Variants in KIF2A observed in about 807,000 individuals in gnomAD.
KIF2A encodes kinesin-like protein KIF2A.
KIF2A carries 22 observed loss-of-function variants against 100.2 expected under a neutral mutation model. The ratio of observed to expected loss-of-function variants is 0.22; its 90% CI spans 0.16 to 0.31. The LOEUF (loss-of-function observed/expected upper bound fraction) is 0.31. Among genes scored for constraint, KIF2A ranks in the 10% least tolerant of loss-of-function variants. The probability of loss-of-function intolerance (pLI) is 1.00; values close to 1 mark genes in which losing one functional copy is unlikely to be tolerated. For missense variants in KIF2A, 495 were observed against 898.7 expected (o/e 0.55, Z 5.74); for synonymous variants, 268 against 285.9 (o/e 0.94, Z 0.63).
At chr5:62,341,270 T>C (rs1264871626) in intron 1 of KIF2A, among the ~76,000 whole-genome samples, 1 of 152,118 alleles carries the variant, frequency 6.6e-6, no homozygotes, top group Non-Finnish European at 1.5e-5. Context: ...GGTTCCAATA[T>C]TGAGGAGACT....
chr5:62,308,391 C>G lies in KIF2A; in HGVS notation c.64+1855C>G, dbSNP rs565754247. 9.8e-6 allele frequency: 14 copies of G among 1,422,656 alleles called. No homozygotes were observed. The African/African-American group carries it at 1.5e-4, about 16-fold the overall frequency. 88.1% of individuals were successfully genotyped at this position (1,422,656 alleles called of 1,614,324 possible). On this transcript the variant is annotated intron_variant, in intron 1 of 20. Coordinates refer to ENST00000407818, the MANE Select transcript of KIF2A (RefSeq NM_001098511.3). ...TTCTGGGTGCACAGCAACACCTGTC[C>G]CTGGTATACACCCAAGGGAGAGGAA...
At chr5:62,382,089 G>T (rs572569913) in intron 20 of KIF2A, among the ~76,000 whole-genome samples, 2 of 152,186 alleles carry the variant, frequency 1.3e-5, no homozygotes, top group Non-Finnish European at 2.9e-5. Flanking sequence ...GTGTGTACAC[G>T]CAATCCAACA....
intron 1 of KIF2A, among the ~76,000 whole-genome samples, chr5:62,313,561 G>T (rs762597942): frequency 1.3e-5 from 2 of 152,006 alleles, no homozygotes; most frequent in Non-Finnish European, 2.9e-5. Flanking sequence ...CACCATGTTG[G>T]CCAGGCTGGT....
At chr5:62,346,883 T>C (rs1039403118) in intron 1 of KIF2A, among the ~76,000 whole-genome samples, 3 of 152,222 alleles carry the variant, frequency 2.0e-5, no homozygotes, top group African/African-American at 4.8e-5. Context: ...CCATTTATCA[T>C]ATATGCTGAA....
intron 6 of KIF2A, among the ~76,000 whole-genome samples, chr5:62,354,250 GT>G (rs1747990781): frequency 6.6e-6 from 1 of 152,182 alleles, no homozygotes; most frequent in East Asian, 1.9e-4. Context: ...GCCACCTGGT[GT>G]TTCCTGTGGG....
Position 62,387,361 on chromosome 5 carries a change from C to T in KIF2A, c.*1792C>T, listed in dbSNP as rs1187712204. ...AAAGGTAGTTTTTGAGATTAACCAA[C>T]TTTCAAAGGGCAATAAAGACATGTG... On this transcript the variant is annotated 3_prime_UTR_variant, in exon 21 of 21. Transcript: ENST00000407818. 2 of 152,160 alleles carry T rather than the reference C, an allele frequency of 1.3e-5. No individual in the cohort carries two copies. Among genetic ancestry groups the T allele is most frequent in the Non-Finnish European group, 2.9e-5 (2 of 68,018 alleles). The allele number at this position is 152,160 out of a possible 1,614,324, so 9.4% of individuals were successfully genotyped here. A position where few individuals can be genotyped will look rare whatever the true frequency, so the allele number is the denominator to read the frequency against.
intron 1 of KIF2A, among the ~76,000 whole-genome samples, chr5:62,307,833 G>A (rs1432700559): frequency 6.6e-6 from 1 of 152,112 alleles, no homozygotes; most frequent in Non-Finnish European, 1.5e-5. Flanking sequence ...GACAAGGCTG[G>A]TCTCGAACTC....
At chr5:62,364,892 C>T (rs188383649) in intron 14 of KIF2A, among the ~76,000 whole-genome samples, 98 of 152,128 alleles carry the variant, frequency 6.4e-4, no homozygotes, top group Non-Finnish European at 1.0e-3. Context: ...GTCAGGAGTT[C>T]GATACCAGCC....
intron 1 of KIF2A, among the ~76,000 whole-genome samples, chr5:62,307,938 CTTAT>C (rs1311752414): frequency 6.6e-6 from 1 of 152,130 alleles, no homozygotes; most frequent in Non-Finnish European, 1.5e-5. Flanking sequence ...TTATGAGTGC[CTTAT>C]TTATTAACCT....
chr5:62,343,434 T>C (rs984222484), intron 1 of KIF2A, among the ~76,000 whole-genome samples: 6 of 152,256 alleles, frequency 3.9e-5, no homozygotes, highest in South Asian at 2.1e-4. Flanking sequence ...TTGTGTGAGA[T>C]AGGAATCAGA....
At chr5:62,342,561 A>G (rs547319921) in intron 1 of KIF2A, among the ~76,000 whole-genome samples, 2 of 152,014 alleles carry the variant, frequency 1.3e-5, no homozygotes, top group Non-Finnish European at 2.9e-5. Flanking sequence ...GGACATATCC[A>G]TTTTGGCTCA....
chr5:62,348,118 A>C lies in KIF2A; in HGVS notation c.230A>C (p.Glu77Ala). ...GATGAAGAAATTGAACCCAGTCCAG[A>C]AACACCTCCACCTCCAGCATCCTCA... Reference protein sequence around the residue: ...VPDEEIEPSPETPPPPASSAK... With the variant: ...VPDEEIEPSPATPPPPASSAK... Residue 77 changes from glutamate to alanine, a missense_variant, in exon 3 of 21, where the codon GAA (glutamate) becomes GCA (alanine). By Grantham distance (107) the Glu-to-Ala change is moderately radical. Transcript: ENST00000407818. 1 of 1,613,898 alleles carries C rather than the reference A, an allele frequency of 6.2e-7. No individual in the cohort carries two copies.
At chr5:62,379,076 G>GACCA (rs1741663853) in intron 19 of KIF2A, among the ~76,000 whole-genome samples, 1 of 150,736 alleles carries the variant, frequency 6.6e-6, no homozygotes, top group South Asian at 2.1e-4. Context: ...TGGAGTTAGA[G>GACCA]ACCAGCCTAG....
chr5:62,313,768 A>C (rs929231822), intron 1 of KIF2A, among the ~76,000 whole-genome samples: 1 of 152,022 alleles, frequency 6.6e-6, no homozygotes, highest in East Asian at 1.9e-4. Flanking sequence ...TTGAGTTATA[A>C]GTTTATAACT....
At position 62,389,507 on chromosome 5, in the gene KIF2A, G is replaced by GAAAAAAAAAAAAAAAAAA. The variant is rs1742201149; in HGVS notation, c.*3938_*3939insAAAAAAAAAAAAAAAAAA. On this transcript the variant is annotated 3_prime_UTR_variant, in exon 21 of 21. Transcript: ENST00000407818. ...TCTCAAAAAAAAAAAAAAAAGAAATGTTATTGTCTGACTAAATTTATAAGA... is the reference window on the plus strand; with the variant it reads ...TCTCAAAAAAAAAAAAAAAAGAAATGAAAAAAAAAAAAAAAAAATTATTGTCTGACTAAATTTATAAGA... 1.0e-5 allele frequency among the ~76,000 whole-genome samples: 1 copy of GAAAAAAAAAAAAAAAAAA among 95,948 alleles called. No individual in the cohort carries two copies. The highest frequency in any genetic ancestry group is 4.6e-5 in the African/African-American group (1 of 21,536). The allele number at this position is 95,948 out of a possible 152,430, so 62.9% of individuals were successfully genotyped here.
intron 14 of KIF2A, 107 bp downstream of exon 14, chr5:62,364,006 T>A: frequency 1.2e-6 from 1 of 857,392 alleles, no homozygotes; most frequent in Non-Finnish European, 1.8e-6. Flanking sequence ...AAAGAGGTTT[T>A]CAAAATTCAG....
chr5:62,368,173 T>G (rs964439635), intron 16 of KIF2A, among the ~76,000 whole-genome samples: 3 of 152,100 alleles, frequency 2.0e-5, no homozygotes, highest in Non-Finnish European at 2.9e-5. Flanking sequence ...ATGTGCTCCT[T>G]CCTGTTCACA....
intron 19 of KIF2A, 87 bp downstream of exon 19, chr5:62,377,849 T>TA: frequency 1.4e-6 from 1 of 734,740 alleles, no homozygotes. Flanking sequence ...CACTATTCCT[T>TA]AAAAAATACT....
chr5:62,353,439 GTGAT>G, intron 6 of KIF2A, 64 bp downstream of exon 6: 1 of 703,280 alleles, frequency 1.4e-6, no homozygotes, highest in Non-Finnish European at 2.2e-6. Context: ...ATCAGTGAAG[GTGAT>G]TGATGTGAAC....
Sources: allele counts gnomAD v4.1 joint callset (sites outside exome capture counted in the v4.1 genomes callset), GRCh38; gene constraint gnomAD v4.1.1; transcripts MANE v1.5; gene names NCBI Gene and HGNC (gene_info 2026-07-23, HGNC 2026-07-21).